Variants in TAB2 observed in about 807,000 individuals in gnomAD.
TAB2 encodes the protein TGF-beta-activated kinase 1 and MAP3K7-binding protein 2.
In TAB2, 3 loss-of-function variants were observed where a neutral mutation model predicts 65.0. The ratio of observed to expected loss-of-function variants is 0.05; its 90% confidence interval spans 0.02 to 0.12. The LOEUF is 0.12. TAB2 is among the 10% of genes least tolerant of loss of function. TAB2 has a pLI of 1.00. For missense variants in TAB2, 623 were observed against 840.3 expected, an observed-to-expected ratio of 0.74 and a Z score of 3.20; for synonymous variants, 298 against 285.1, an observed-to-expected ratio of 1.05 and a Z score of -0.46.
chr6:149,248,767 C>T (rs1490323446), intron 1 of TAB2, among the ~76,000 whole-genome samples: 2 of 152,270 alleles, frequency 1.3e-5, no homozygotes, highest in Non-Finnish European at 1.5e-5. Context: ...CCTTGACCAG[C>T]CCCCCAGTGC....
At chr6:149,354,321 A>T (rs1205255209) in intron 1 of TAB2, among the ~76,000 whole-genome samples, 1 of 152,222 alleles carries the variant, frequency 6.6e-6, no homozygotes, top group African/African-American at 2.4e-5. Context: ...ACTTTTGATT[A>T]AATATACTTA....
At chr6:149,351,484 T>C (rs1780488265) in intron 1 of TAB2, among the ~76,000 whole-genome samples, 1 of 152,240 alleles carries the variant, frequency 6.6e-6, no homozygotes, top group South Asian at 2.1e-4. Flanking sequence ...TCCTTGAAGC[T>C]CTTTGAGTTG....
Position 149,403,295 on chromosome 6 carries a change from C to CACAT in TAB2, c.1939+4112_1939+4113insCATA, listed in dbSNP as rs1303915679. On this transcript the variant is annotated intron_variant, in intron 6 of 6. Transcript: ENST00000637181. ...ATATATATATATATACACACACACA[C>CACAT]ATATATATATATATATATACACACA... Among the ~76,000 whole-genome samples, 61 of 76,440 alleles carry CACAT rather than the reference C, an allele frequency of 8.0e-4. 1 individual carries two copies. The highest frequency in any genetic ancestry group is 7.0e-3 in the Middle Eastern group (1 of 142). 50.1% of individuals were successfully genotyped at this position (76,440 alleles called of 152,430 possible). A position where few individuals can be genotyped will look rare whatever the true frequency, so the allele number is the denominator to read the frequency against.
At chr6:149,218,827 T>G in intron 1 of TAB2, 1 of 454,734 alleles carries the variant, frequency 2.2e-6, no homozygotes, top group Non-Finnish European at 4.4e-6. Flanking sequence ...TCTGTGATCT[T>G]GTGTCTGAAG....
At chr6:149,265,242 C>T (rs1360395352) in intron 1 of TAB2, among the ~76,000 whole-genome samples, 12 of 147,608 alleles carry the variant, frequency 8.1e-5, no homozygotes, top group African/African-American at 2.0e-4. Flanking sequence ...TACAATTTTG[C>T]GGGTCTCTAA....
At chr6:149,313,443 G>A (rs897659618), upstream of TAB2, among the ~76,000 whole-genome samples, 3 of 152,046 alleles carry the variant, frequency 2.0e-5, no homozygotes, top group African/African-American at 7.3e-5. Flanking sequence ...CTCCGTCCAG[G>A]GTTGCTTTGT....
chr6:149,245,656 G>C (rs1325976008), intron 1 of TAB2: 1 of 151,470 alleles, frequency 6.6e-6, no homozygotes, highest in Non-Finnish European at 1.5e-5. Context: ...GCAAAATTAG[G>C]GTGTTTTGCT....
rs1273936943 is a variant in TAB2, at chr6:149,398,960, A to C, written c.1859-144A>C. The stretch of plus-strand genomic sequence containing the variant: ...TATTTGAAATATGTTTTGAAATCTT[A>C]CATATAATTCGAGGTTAGAGGGGCA... On this transcript the variant is annotated intron_variant, in intron 5 of 6. Transcript: ENST00000637181. 4 of 681,310 alleles carry C rather than the reference A, an allele frequency of 5.9e-6. No homozygotes were observed. The African/African-American group carries it at 7.2e-5, about 12-fold the overall frequency. The allele number at this position is 681,310 out of a possible 1,614,324, so 42.2% of individuals were successfully genotyped here. A position where few individuals can be genotyped will look rare whatever the true frequency, so the allele number is the denominator to read the frequency against.
At chr6:149,335,565 G>A (rs150557779) in intron 1 of TAB2, among the ~76,000 whole-genome samples, 5 of 151,916 alleles carry the variant, frequency 3.3e-5, no homozygotes, top group African/African-American at 1.2e-4. Context: ...GTAGAGGCAG[G>A]GTTTTGCTGT....
At chr6:149,219,584 C>T (rs471469) in intron 1 of TAB2, among the ~76,000 whole-genome samples, 93,884 of 152,006 alleles carry the variant, frequency 0.62, 29,753 homozygotes, top group African/African-American at 0.77. Flanking sequence ...TTATGACCAA[C>T]TAAAGTCAGA....
At chr6:149,335,585 G>A (rs2114764309) in intron 1 of TAB2, among the ~76,000 whole-genome samples, 1 of 152,010 alleles carries the variant, frequency 6.6e-6, no homozygotes, top group East Asian at 1.9e-4. Context: ...TATTGCACAG[G>A]CTAGTCTCAA....
intron 1 of TAB2, among the ~76,000 whole-genome samples, chr6:149,311,517 A>G (rs933392864): frequency 2.0e-5 from 3 of 152,220 alleles, no homozygotes; most frequent in African/African-American, 4.8e-5. Context: ...GACCCAGTGT[A>G]TGGGGTCAGA....
intron 1 of TAB2, among the ~76,000 whole-genome samples, chr6:149,337,433 G>A (rs1406501905): frequency 1.3e-5 from 2 of 152,146 alleles, no homozygotes; most frequent in African/African-American, 4.8e-5. Context: ...AACCAAACTG[G>A]AGAAGGCATT....
At chr6:149,367,548 A>G (rs536759182) in intron 1 of TAB2, among the ~76,000 whole-genome samples, 3 of 152,132 alleles carry the variant, frequency 2.0e-5, no homozygotes, top group South Asian at 2.1e-4. Flanking sequence ...GAAAGTGATG[A>G]CTCTGATTTA....
chr6:149,268,655 G>A (rs1336649561), intron 1 of TAB2, among the ~76,000 whole-genome samples: 2 of 152,158 alleles, frequency 1.3e-5, no homozygotes, highest in Non-Finnish European at 2.9e-5. Flanking sequence ...GAGAACCACT[G>A]CCTAGCAAAT....
chr6:149,271,934 G>A (rs984784203), intron 1 of TAB2, among the ~76,000 whole-genome samples: 5 of 151,970 alleles, frequency 3.3e-5, no homozygotes, highest in African/African-American at 4.8e-5. Context: ...TCTGAAGGAC[G>A]CTGAGCATCA....
chr6:149,280,641 G>A (rs1486565272), intron 1 of TAB2, among the ~76,000 whole-genome samples: 3 of 152,130 alleles, frequency 2.0e-5, no homozygotes, highest in Non-Finnish European at 4.4e-5. Flanking sequence ...AGAAATGAAA[G>A]TAAAATCAAG....
chr6:149,256,499 G>A (rs985329158), intron 1 of TAB2, among the ~76,000 whole-genome samples: 1 of 152,140 alleles, frequency 6.6e-6, no homozygotes, highest in Non-Finnish European at 1.5e-5. Context: ...TTTATATGAA[G>A]AAGAGACCCA....
Position 149,379,923 on chromosome 6 carries a change from T to C in TAB2, c.1603+405T>C, listed in dbSNP as rs1449808508. 6 of 455,646 alleles carry C rather than the reference T, an allele frequency of 1.3e-5. No individual in the cohort carries two copies. The East Asian group carries it at 3.5e-4, about 27-fold the overall frequency. The allele number at this position is 455,646 out of a possible 1,614,324, so 28.2% of individuals were successfully genotyped here. On this transcript the variant is annotated intron_variant, in intron 3 of 6. Coordinates refer to ENST00000637181, the MANE Select transcript of TAB2 (RefSeq NM_001292034.3). ...CTTGACTAATATGGTAAATTTGCCT[T>C]CTTTGACCAGATATTTGAAGAATAA...
Sources: allele counts gnomAD v4.1 joint callset (sites outside exome capture counted in the v4.1 genomes callset), GRCh38; gene constraint gnomAD v4.1.1; transcripts MANE v1.5; gene names NCBI Gene and HGNC (gene_info 2026-07-23, HGNC 2026-07-21).